Variants in CBFA2T2 observed in about 807,000 individuals in gnomAD.
CBFA2T2 encodes protein CBFA2T2.
CBFA2T2 carries 11 observed loss-of-function variants against 62.2 expected under a neutral mutation model. The ratio of observed to expected loss-of-function variants is 0.18; its 90% CI spans 0.11 to 0.29. CBFA2T2 has a LOEUF of 0.29. Ranked by LOEUF, CBFA2T2 falls within the 10% of genes least tolerant of loss-of-function variation. The probability of loss-of-function intolerance (pLI) is 1.00; values close to 1 mark genes in which losing one functional copy is unlikely to be tolerated. For missense variants in CBFA2T2, 592 were observed against 774.1 expected (o/e 0.76, Z 2.79); for synonymous variants, 295 against 287.5 (o/e 1.03, Z -0.27).
At chr20:33,640,966 CAACT>C in intron 10 of CBFA2T2, among the ~76,000 whole-genome samples, 1 of 152,066 alleles carries the variant, frequency 6.6e-6, no homozygotes, top group Non-Finnish European at 1.5e-5. Context: ...TCAGGGAATG[CAACT>C]AATATACCCC....
chr20:33,587,874 T>A (rs1457801287), intron 1 of CBFA2T2, among the ~76,000 whole-genome samples: 1 of 152,212 alleles, frequency 6.6e-6, no homozygotes, highest in Non-Finnish European at 1.5e-5. Context: ...CCAAGGAAAA[T>A]GAGAGTCAGA....
intron 1 of CBFA2T2, among the ~76,000 whole-genome samples, chr20:33,582,987 C>A (rs1278114861): frequency 3.3e-5 from 5 of 151,486 alleles, no homozygotes; most frequent in African/African-American, 1.2e-4. Context: ...TAAACAACTT[C>A]TTTCTTTCCC....
chr20:33,597,472 C>T (rs902469667), intron 1 of CBFA2T2, among the ~76,000 whole-genome samples: 3 of 152,274 alleles, frequency 2.0e-5, no homozygotes, highest in Middle Eastern at 3.4e-3. Flanking sequence ...TGTTAGGAAC[C>T]GTGTGGCACA....
intron 1 of CBFA2T2, among the ~76,000 whole-genome samples, chr20:33,536,338 C>T (rs1250219396): frequency 2.1e-4 from 30 of 144,906 alleles, no homozygotes; most frequent in African/African-American, 6.2e-4. Context: ...GGCGGCTGGC[C>T]GGGCAGAGGG....
intron 3 of CBFA2T2, among the ~76,000 whole-genome samples, chr20:33,618,050 T>C (rs2015776060): frequency 1.3e-5 from 2 of 152,210 alleles, no homozygotes; most frequent in African/African-American, 4.8e-5. Flanking sequence ...CTTAACAGTA[T>C]TGTAGGTACC....
rs1324967826 is a variant in CBFA2T2, at chr20:33,629,862, C to T, written c.1176C>T (p.Thr392=). The stretch of plus-strand genomic sequence containing the variant: ...ACACAGAGCTGAGGAAAACGGGGAC[C>T]GAGTTGGTCTCCAGGCAGCACAGCC... ...NENTELRKTG[T]ELVSRQHSPG... is the part of the protein sequence containing the mutation. The change falls in exon 8 of 11, where the codon ACC becomes ACT. Residue 392 remains threonine (T), a synonymous_variant. Coordinates refer to ENST00000342704, the MANE Select transcript of CBFA2T2 (RefSeq NM_001032999.3). The T allele has an allele frequency of 5.6e-6, 9 of 1,614,040 alleles. No homozygotes were observed. The highest frequency in any genetic ancestry group is 2.2e-5 in the South Asian group (2 of 91,078).
intron 1 of CBFA2T2, among the ~76,000 whole-genome samples, chr20:33,505,497 G>A (rs2011386251): frequency 6.6e-6 from 1 of 152,090 alleles, no homozygotes. Flanking sequence ...GAAATAGAAG[G>A]GGTCGGCCGG....
At chr20:33,491,489 G>A (rs2011145965) in intron 1 of CBFA2T2, among the ~76,000 whole-genome samples, 1 of 152,110 alleles carries the variant, frequency 6.6e-6, no homozygotes, top group African/African-American at 2.4e-5. Context: ...ACTAGTCTCA[G>A]AGCTGATGTC....
chr20:33,531,833 T>C (rs2146870292), intron 1 of CBFA2T2, among the ~76,000 whole-genome samples: 1 of 152,276 alleles, frequency 6.6e-6, no homozygotes, highest in Middle Eastern at 3.4e-3. Flanking sequence ...AATGACCCAG[T>C]GGACCCGTTG....
chr20:33,548,193 G>A (rs1277274260), intron 1 of CBFA2T2, among the ~76,000 whole-genome samples: 2 of 151,704 alleles, frequency 1.3e-5, no homozygotes, highest in Admixed American at 1.3e-4. Context: ...TTAATTTTTA[G>A]CATTCACCTG....
At chr20:33,522,632 A>G (rs2011762096) in intron 1 of CBFA2T2, among the ~76,000 whole-genome samples, 3 of 152,082 alleles carry the variant, frequency 2.0e-5, no homozygotes, top group Admixed American at 2.0e-4. Context: ...GTCCCAACCT[A>G]CTTGGGAGGC....
At chr20:33,566,605 CAA>C (rs11364971) in intron 1 of CBFA2T2, among the ~76,000 whole-genome samples, 11 of 134,834 alleles carry the variant, frequency 8.2e-5, no homozygotes, top group African/African-American at 1.8e-4. Flanking sequence ...GACTCAGTCT[CAA>C]AAAAAAAAAA....
chr20:33,604,608 G>A (rs900685061), intron 1 of CBFA2T2, among the ~76,000 whole-genome samples: 1 of 152,192 alleles, frequency 6.6e-6, no homozygotes, highest in Non-Finnish European at 1.5e-5. Context: ...GTTGGTAAGA[G>A]CACAGAGTTC....
chr20:33,597,366 T>C (rs529491936), intron 1 of CBFA2T2, among the ~76,000 whole-genome samples: 1 of 152,218 alleles, frequency 6.6e-6, no homozygotes, highest in Non-Finnish European at 1.5e-5. Flanking sequence ...GAAAAGTTAC[T>C]CAAATTCCTT....
Position 33,646,602 on chromosome 20 carries a change from TC to T in CBFA2T2, c.*1959del, listed in dbSNP as rs1239105568. On this transcript the variant is annotated 3_prime_UTR_variant, in exon 11 of 11. Transcript: ENST00000342704. The stretch of plus-strand genomic sequence containing the variant: ...TGGGCGCAGTGGCTCACTCCTGTAA[TC>T]CCAGCACTTTGAGAGACCGAGGCAG... 1.3e-5 allele frequency: 2 copies of T among 151,850 alleles called. No individual in the cohort carries two copies. The highest frequency in any genetic ancestry group is 2.9e-5 in the Non-Finnish European group (2 of 68,000). The allele number at this position is 151,850 out of a possible 1,614,324, so 9.4% of individuals were successfully genotyped here.
At chr20:33,583,673 G>C (rs913063630) in intron 1 of CBFA2T2, among the ~76,000 whole-genome samples, 1 of 152,186 alleles carries the variant, frequency 6.6e-6, no homozygotes, top group Non-Finnish European at 1.5e-5. Context: ...GGTGACCCAA[G>C]TCTACCAGCA....
In CBFA2T2 at chr20:33,532,364, G is replaced by A. The variant is rs7274821; in HGVS notation, c.34+42063G>A. Among the ~76,000 whole-genome samples the A allele has an allele frequency of 6.0e-3, 915 of 152,302 alleles. 15 individuals carry two copies. Among genetic ancestry groups the A allele is most frequent in the African/African-American group, 0.021 (879 of 41,558 alleles). Reference sequence around the variant, plus strand: ...GCATTATTGAGAAGTTGACATTTGAGTTTACAGCAGAAACGTTGGGCAAGG... The same window carrying A: ...GCATTATTGAGAAGTTGACATTTGAATTTACAGCAGAAACGTTGGGCAAGG... On this transcript the variant is annotated intron_variant, in intron 1 of 10. Transcript: ENST00000342704.
chr20:33,545,429 CTCTT>C (rs1206315792), intron 1 of CBFA2T2, among the ~76,000 whole-genome samples: 2 of 125,182 alleles, frequency 1.6e-5, no homozygotes, highest in South Asian at 2.8e-4. Context: ...CTCATTAAGA[CTCTT>C]TCTTTCTCTT....
chr20:33,557,040 A>C (rs1481978545), intron 1 of CBFA2T2, among the ~76,000 whole-genome samples: 5 of 106,308 alleles, frequency 4.7e-5, no homozygotes, highest in Non-Finnish European at 6.9e-5. Flanking sequence ...TTTGAGACAG[A>C]GCCTCACTCT....
Sources: allele counts gnomAD v4.1 joint callset (sites outside exome capture counted in the v4.1 genomes callset), GRCh38; gene constraint gnomAD v4.1.1; transcripts MANE v1.5; gene names NCBI Gene and HGNC (gene_info 2026-07-23, HGNC 2026-07-21).